PLOD2: variants seen among roughly 807,000 people sequenced by gnomAD.
PLOD2 encodes the protein procollagen-lysine,2-oxoglutarate 5-dioxygenase 2.
Under a neutral mutation model 101.0 loss-of-function variants are expected in PLOD2, and 65 were observed. The ratio of observed to expected loss-of-function variants is 0.64; its 90% CI spans 0.53 to 0.79. PLOD2 has a LOEUF of 0.79. Ranked by LOEUF, PLOD2 falls within the 30% of genes least tolerant of loss-of-function variation. The probability of loss-of-function intolerance (pLI) is 0.00; values close to 1 mark genes in which losing one functional copy is unlikely to be tolerated. For missense variants in PLOD2, 909 were observed against 914.6 expected, an observed-to-expected ratio of 0.99 and a Z score of 0.08; for synonymous variants, 314 against 302.9, an observed-to-expected ratio of 1.04 and a Z score of -0.38.
At chr3:146,133,140 C>T (rs2031020052) in intron 1 of PLOD2, among the ~76,000 whole-genome samples, 1 of 152,132 alleles carries the variant, frequency 6.6e-6, no homozygotes, top group Non-Finnish European at 1.5e-5. Context: ...CACGCCACTG[C>T]ATTCCGGCCT....
chr3:146,079,046 G>A (rs1375994095), intron 13 of PLOD2, 70 bp downstream of exon 13: 3 of 1,494,706 alleles, frequency 2.0e-6, no homozygotes, highest in East Asian at 2.3e-5. Context: ...TCAAAACACA[G>A]TGACACACCA....
Position 146,088,627 on chromosome 3 carries a change from C to A in PLOD2, c.964G>T (p.Asp322Tyr). The change falls in exon 9 of 20, where the codon GAT becomes TAT. Residue 322 changes from aspartate to tyrosine, a missense_variant. Asp to Tyr is a radical substitution (Grantham distance 160, BLOSUM62 -3). Coordinates refer to ENST00000282903, the MANE Select transcript of PLOD2 (RefSeq NM_182943.3). ...AGTTTAAGTGCTTCTTTTGGGTAATCCAGTGTCAACAATATGTCCAGAAAC... is the reference window on the plus strand; with the variant it reads ...AGTTTAAGTGCTTCTTTTGGGTAATACAGTGTCAACAATATGTCCAGAAAC... ...PRFLDILLTL[D>Y]YPKEALKLFI... 1 of 1,594,050 alleles carries A rather than the reference C, an allele frequency of 6.3e-7. No homozygotes were observed. Among genetic ancestry groups the A allele is most frequent in the South Asian group, 1.1e-5 (1 of 90,590 alleles).
chr3:146,121,454 C>G (rs896087743), intron 2 of PLOD2, among the ~76,000 whole-genome samples: 2 of 152,106 alleles, frequency 1.3e-5, no homozygotes, highest in African/African-American at 4.8e-5. Flanking sequence ...AAATGCCCTT[C>G]TCAATTTTTA....
intron 1 of PLOD2, among the ~76,000 whole-genome samples, chr3:146,135,754 C>T (rs1361061535): frequency 2.0e-5 from 3 of 152,042 alleles, no homozygotes; most frequent in East Asian, 1.9e-4. Flanking sequence ...TTCCACTCGG[C>T]ATCTTTTTAA....
At chr3:146,085,596 C>T in intron 10 of PLOD2, 1 of 340,082 alleles carries the variant, frequency 2.9e-6, no homozygotes, top group Middle Eastern at 7.8e-4. Flanking sequence ...TACACATGCA[C>T]ACAAATGCAA....
chr3:146,072,230 G>C (rs1936169997), intron 17 of PLOD2, among the ~76,000 whole-genome samples: 1 of 150,710 alleles, frequency 6.6e-6, no homozygotes, highest in Non-Finnish European at 1.5e-5. Context: ...AAAACGCAAG[G>C]AATAAAAAGT....
At chr3:146,147,175 T>C (rs1374991107) in intron 1 of PLOD2, among the ~76,000 whole-genome samples, 1 of 152,156 alleles carries the variant, frequency 6.6e-6, no homozygotes, top group African/African-American at 2.4e-5. Flanking sequence ...GAGAATACTG[T>C]AGGAGTTCAA....
At chr3:146,084,299 C>T (rs1378787779) in intron 11 of PLOD2, among the ~76,000 whole-genome samples, 4 of 151,906 alleles carry the variant, frequency 2.6e-5, no homozygotes, top group Admixed American at 6.6e-5. Flanking sequence ...GCTGTATATA[C>T]AGGTTGCTAC....
chr3:146,153,916 T>C (rs1052813692), intron 1 of PLOD2, among the ~76,000 whole-genome samples: 1 of 151,028 alleles, frequency 6.6e-6, no homozygotes, highest in Non-Finnish European at 1.5e-5. Context: ...AACCCTAAAA[T>C]AGGTTAGCAG....
chr3:146,113,608 C>T (rs1937749896), intron 3 of PLOD2, among the ~76,000 whole-genome samples: 1 of 152,192 alleles, frequency 6.6e-6, no homozygotes, highest in South Asian at 2.1e-4. Context: ...ACATTTATCA[C>T]TTCCCTAATC....
chr3:146,122,912 G>C (rs1023632155), intron 2 of PLOD2, among the ~76,000 whole-genome samples: 7 of 152,048 alleles, frequency 4.6e-5, no homozygotes, highest in African/African-American at 1.7e-4. Context: ...TCCCCAACTA[G>C]ATTTCAGCAT....
chr3:146,075,130 T>C (rs889089843), intron 15 of PLOD2, among the ~76,000 whole-genome samples: 1 of 151,590 alleles, frequency 6.6e-6, no homozygotes, highest in Non-Finnish European at 1.5e-5. Context: ...AGAAAACACC[T>C]CTTTTCAGCT....
At chr3:146,136,269 C>T (rs1363542242) in intron 1 of PLOD2, among the ~76,000 whole-genome samples, 1 of 151,978 alleles carries the variant, frequency 6.6e-6, no homozygotes, top group Non-Finnish European at 1.5e-5. Context: ...AAATGAAATA[C>T]TGAACCTGAT....
intron 11 of PLOD2, among the ~76,000 whole-genome samples, chr3:146,082,901 A>G (rs1407973074): frequency 1.3e-5 from 2 of 152,188 alleles, no homozygotes; most frequent in African/African-American, 4.8e-5. Context: ...TCTCAAAAAA[A>G]TAAATAAATA....
intron 1 of PLOD2, among the ~76,000 whole-genome samples, chr3:146,150,698 A>G (rs770452656): frequency 1.3e-5 from 2 of 151,842 alleles, no homozygotes; most frequent in Non-Finnish European, 2.9e-5. Flanking sequence ...CTGTGTAACA[A>G]ACCGTCACAT....
Position 146,083,523 on chromosome 3 carries a change from C to A in PLOD2, c.1232+1646G>T, listed in dbSNP as rs533323347. ...CTAACAGAATTCCATGGAGACACAG[C>A]CTGAGTTTTACTCTTTAAGGGGCAA... is the stretch of plus-strand genomic sequence containing the variant. On this transcript the variant is annotated intron_variant, in intron 11 of 19. Coordinates refer to ENST00000282903, the MANE Select transcript of PLOD2 (RefSeq NM_182943.3). Among the ~76,000 whole-genome samples the A allele has an allele frequency of 9.2e-5, 14 of 151,774 alleles. 1 individual carries two copies. The highest frequency in any genetic ancestry group is 4.2e-4 in the South Asian group (2 of 4,802).
chr3:146,086,690 C>T, intron 10 of PLOD2, 97 bp downstream of exon 10: 1 of 850,970 alleles, frequency 1.2e-6, no homozygotes, highest in Non-Finnish European at 1.8e-6. Flanking sequence ...TTTGAGACAC[C>T]CAAATTTGGC....
At chr3:146,118,254 T>C (rs1576608246) in intron 3 of PLOD2, among the ~76,000 whole-genome samples, 2 of 152,154 alleles carry the variant, frequency 1.3e-5, no homozygotes, top group Admixed American at 1.3e-4. Flanking sequence ...CAGTACACTA[T>C]GGCTAACACT....
intron 6 of PLOD2, among the ~76,000 whole-genome samples, chr3:146,103,861 ACACACACT>A (rs746911332): frequency 3.4e-4 from 40 of 117,916 alleles, no homozygotes; most frequent in African/African-American, 1.2e-3. Flanking sequence ...ACACACACAC[ACACACACT>A]CTTCCCCAGT....
Sources: allele counts gnomAD v4.1 joint callset (sites outside exome capture counted in the v4.1 genomes callset), GRCh38; gene constraint gnomAD v4.1.1; transcripts MANE v1.5; gene names NCBI Gene and HGNC (gene_info 2026-07-23, HGNC 2026-07-21).